IL17REL: variants seen among roughly 807,000 people sequenced by gnomAD.
IL17REL encodes the protein interleukin 17 receptor E like.
IL17REL carries 36 observed loss-of-function variants against 49.0 expected under a neutral mutation model. The observed-to-expected ratio is 0.73, with a 90% CI of 0.56 to 0.97. IL17REL has a LOEUF of 0.97. Among genes scored for constraint, IL17REL ranks in the 50% least tolerant of loss-of-function variants. The pLI is 0.00. For missense variants in IL17REL, 470 were observed against 453.9 expected (o/e 1.04, Z -0.32); for synonymous variants, 206 against 192.4 (o/e 1.07, Z -0.58).
upstream of IL17REL, chr22:50,012,505 C>G (rs941362517): frequency 6.6e-6 from 1 of 152,578 alleles, no homozygotes; most frequent in African/African-American, 2.4e-5. Flanking sequence ...AGGGCCTTAT[C>G]TGCCACAGTG....
exon 2 of IL17REL, chr22:50,001,110 C>A (rs1443206728): frequency 1.3e-6 from 2 of 1,599,294 alleles, no homozygotes; most frequent in Non-Finnish European, 1.7e-6. Context: ...CGCGTACACG[C>A]AGGAGCATCG....
intron 4 of IL17REL, among the ~76,000 whole-genome samples, 61 bp downstream of exon 6, chr22:50,000,135 G>C (rs1266620933): frequency 6.6e-6 from 1 of 152,336 alleles, no homozygotes; most frequent in East Asian, 1.9e-4. Flanking sequence ...AGACCCCGGG[G>C]AGAGGAAGCC....
chr22:49,999,785 G>GCGGGGCCTAAGGCTGAC, intron 5 of IL17REL, 43 bp downstream of exon 7: 2 of 1,362,186 alleles, frequency 1.5e-6, no homozygotes, highest in Non-Finnish European at 1.9e-6. Flanking sequence ...GCGGAGGTGG[G>GCGGGGCCTAAGGCTGAC]CGGGGCCTAA....
chr22:50,007,609 C>A (rs980372933), intron 1 of IL17REL, among the ~76,000 whole-genome samples: 2 of 152,004 alleles, frequency 1.3e-5, no homozygotes, highest in Non-Finnish European at 2.9e-5. Context: ...GAACTCCTGA[C>A]GTCAGGTGAT....
intron 1 of IL17REL, among the ~76,000 whole-genome samples, 194 bp from the exon 3 acceptor site, chr22:50,001,425 ATGTC>A (rs2061079657): frequency 6.6e-6 from 1 of 152,164 alleles, no homozygotes; most frequent in Non-Finnish European, 1.5e-5. Flanking sequence ...ACACTCCAAA[ATGTC>A]TGTGGGACCC....
chr22:49,997,913 G>T lies in IL17REL; in HGVS notation c.819+112C>A, dbSNP rs1370274836. 9.6e-6 allele frequency: 14 copies of T among 1,463,736 alleles called. No homozygotes were observed. The South Asian group carries it at 1.4e-4, about 15-fold the overall frequency. The allele number at this position is 1,463,736 out of a possible 1,614,324, so 90.7% of individuals were successfully genotyped here. On this transcript the variant is annotated intron_variant, in intron 9 of 12. Coordinates refer to ENST00000341280, the Ensembl canonical transcript of IL17REL. Reference sequence around the variant, plus strand: ...AGACCAGGAGGGGGCTCTGAGGGACGCCTGGGAGGCTAGGCTCCAGGGCTG... The same window carrying T: ...AGACCAGGAGGGGGCTCTGAGGGACTCCTGGGAGGCTAGGCTCCAGGGCTG...
At chr22:49,995,055 C>T (rs2061026896) in exon 13 of IL17REL, 1 of 152,418 alleles carries the variant, frequency 6.6e-6, no homozygotes, top group Admixed American at 6.5e-5. Flanking sequence ...GCGGGTGCCC[C>T]AGTGAAGCTC....
In IL17REL at chr22:49,997,746, C is replaced by T; in HGVS notation, c.820-4G>A. 2 of 1,613,870 alleles carry T rather than the reference C, an allele frequency of 1.2e-6. No homozygotes were observed. The highest frequency in any genetic ancestry group is 1.7e-6 in the Non-Finnish European group (2 of 1,179,966). On this transcript the variant is annotated splice_region_variant and splice_polypyrimidine_tract_variant and intron_variant, in intron 9 of 12. Coordinates refer to ENST00000341280, the Ensembl canonical transcript of IL17REL. ...AGGACCCCCAACTGGTAGAGAACTG[C>T]AAAGTGGGGTGAGGGGTGCAGGAGG... is the stretch of plus-strand genomic sequence containing the variant.
chr22:50,004,310 G>A (rs569339445), intron 1 of IL17REL, among the ~76,000 whole-genome samples: 4 of 152,136 alleles, frequency 2.6e-5, no homozygotes, highest in African/African-American at 7.2e-5. Flanking sequence ...AACTCCTGAC[G>A]GCAAGTGATC....
chr22:49,997,963 C>T (rs993494475), intron 9 of IL17REL, 62 bp downstream of exon 11: 30 of 1,576,648 alleles, frequency 1.9e-5, no homozygotes, highest in Middle Eastern at 2.3e-4. Context: ...CCCCACTCCC[C>T]GCCCTGATGC....
upstream of IL17REL, among the ~76,000 whole-genome samples, chr22:50,010,114 A>G (rs2061130942): frequency 6.6e-6 from 1 of 152,092 alleles, no homozygotes; most frequent in South Asian, 2.1e-4. Context: ...TTTGCCGACC[A>G]CCCCAATAAC....
chr22:49,993,421 G>A (rs142952910), downstream of IL17REL, among the ~76,000 whole-genome samples: 4 of 152,304 alleles, frequency 2.6e-5, no homozygotes, highest in Non-Finnish European at 4.4e-5. The surrounding 1 kb of genome is among the most constrained non-coding windows in gnomAD (Gnocchi z 6.0). Flanking sequence ...GGTTTCCGGC[G>A]GTGGTGGTGG....
chr22:49,997,626 G>C (rs1043963170), intron 10 of IL17REL, 59 bp downstream of exon 12: 81 of 1,526,788 alleles, frequency 5.3e-5, no homozygotes, highest in Non-Finnish European at 7.3e-5. Flanking sequence ...CCAGCACAGA[G>C]TGATATAAAG....
At chr22:50,002,546 G>A (rs1369013096) in intron 1 of IL17REL, among the ~76,000 whole-genome samples, 1 of 148,100 alleles carries the variant, frequency 6.8e-6, no homozygotes, top group Non-Finnish European at 1.5e-5. Flanking sequence ...CCAGGCTGGA[G>A]CATAGTGGAG....
At chr22:50,000,851 C>A (rs778289422) in exon 3 of IL17REL, 1 of 1,569,484 alleles carries the variant, frequency 6.4e-7, no homozygotes, top group African/African-American at 1.4e-5. Context: ...GGCCTCCAGG[C>A]CCCGCAGGCG....
At chr22:50,010,221 A>C (rs1419684906), upstream of IL17REL, among the ~76,000 whole-genome samples, 1 of 152,226 alleles carries the variant, frequency 6.6e-6, no homozygotes, top group Non-Finnish European at 1.5e-5. Context: ...CAGCGTCCTG[A>C]TGGAAGCCCC....
upstream of IL17REL, among the ~76,000 whole-genome samples, chr22:50,011,587 C>G (rs573123387): frequency 7.2e-5 from 11 of 152,268 alleles, no homozygotes; most frequent in East Asian, 2.1e-3. Context: ...GGCCTGCCCC[C>G]TCCCTGTTTT....
In IL17REL at chr22:49,997,090, C is replaced by T; in HGVS notation, c.975-16G>A. ...CCAGGTCACCCTGGGTGGGGGAGGG[C>T]AGGTCACAGGCAATGGGAGGAAGGG... On this transcript the variant is annotated splice_polypyrimidine_tract_variant and intron_variant, in intron 11 of 12. Transcript: ENST00000341280. 3 of 1,571,136 alleles carry T rather than the reference C, an allele frequency of 1.9e-6. No individual in the cohort carries two copies. Among genetic ancestry groups the T allele is most frequent in the Non-Finnish European group, 1.7e-6 (2 of 1,162,294 alleles).
At chr22:50,001,511 A>G (rs993307485) in intron 1 of IL17REL, among the ~76,000 whole-genome samples, 97 of 152,244 alleles carry the variant, frequency 6.4e-4, no homozygotes, top group Middle Eastern at 3.4e-3. Flanking sequence ...CTGCTGCCCC[A>G]CCTGGCCAGC....
Sources: gnomAD v4.1 joint callset for allele counts (sites outside exome capture counted in the v4.1 genomes callset) on GRCh38, gnomAD v4.1.1 for gene constraint, Gnocchi (gnomAD v3.1) non-coding constraint, MANE v1.5 for transcripts, NCBI Gene and HGNC (gene_info 2026-07-23, HGNC 2026-07-21) for gene names.